GAL: variants seen among roughly 807,000 people sequenced by gnomAD.
The protein encoded by GAL is galanin peptides.
GAL carries 14 observed loss-of-function variants against 15.8 expected under a neutral mutation model. That is an observed-to-expected ratio of 0.89 (90% confidence interval 0.59 to 1.39). GAL has a LOEUF of 1.39. Ranked by LOEUF, GAL falls within the 40% of genes most tolerant of loss-of-function variation. GAL has a pLI of 0.00. For synonymous variants in GAL, 79 were observed against 73.8 expected (o/e 1.07, Z -0.36); for missense variants, 176 against 170.4 (o/e 1.03, Z -0.18).
intron 3 of GAL, among the ~76,000 whole-genome samples, chr11:68,687,121 T>A (rs554843634): frequency 4.7e-4 from 71 of 152,300 alleles, no homozygotes; most frequent in African/African-American, 1.7e-3. Context: ...TGAGGCGACC[T>A]ATGATTCCTC....
chr11:68,690,381 T>C (rs1343446508), intron 5 of GAL, among the ~76,000 whole-genome samples: 3 of 151,998 alleles, frequency 2.0e-5, no homozygotes, highest in Non-Finnish European at 4.4e-5. Flanking sequence ...TGCAGTGTTA[T>C]CGGGCTGCAC....
rs750008754 is a variant in GAL, at chr11:68,685,649, G to GT, written c.136+2dup. ...AGCGCGGGCTACCTGCTGGGCCCAC[G>GT]TAAGTGACTGACAGCATGGCCTCCC... is the stretch of plus-strand genomic sequence containing the variant. On this transcript the variant is annotated splice_donor_variant, in intron 3 of 5. Coordinates refer to ENST00000265643, the MANE Select transcript of GAL (RefSeq NM_015973.5). LOFTEE classifies it high-confidence loss of function. 6.2e-7 allele frequency: 1 copy of GT among 1,609,914 alleles called. No individual in the cohort carries two copies. Among genetic ancestry groups the GT allele is most frequent in the Non-Finnish European group, 8.5e-7 (1 of 1,176,280 alleles).
At chr11:68,689,454 T>C (rs1945885683) in intron 5 of GAL, among the ~76,000 whole-genome samples, 1 of 152,008 alleles carries the variant, frequency 6.6e-6, no homozygotes, top group African/African-American at 2.4e-5. Flanking sequence ...TCGAATGTAG[T>C]GGTGCAATCT....
intron 2 of GAL, among the ~76,000 whole-genome samples, 155 bp from the exon 3 acceptor site, chr11:68,685,439 T>C (rs145312483): frequency 6.6e-6 from 1 of 152,352 alleles, no homozygotes; most frequent in African/African-American, 2.4e-5. Context: ...ATGTCAAATA[T>C]AGCCGACTTA....
At chr11:68,685,508 TG>T in intron 2 of GAL, 85 bp from the exon 3 acceptor site, 1 of 902,460 alleles carries the variant, frequency 1.1e-6, no homozygotes, top group South Asian at 1.3e-5. Flanking sequence ...CTAAGTCCTC[TG>T]CCATGCCGGG....
Position 68,685,003 on chromosome 11 carries a change from C to T in GAL, c.80C>T (p.Pro27Leu). 6.3e-7 allele frequency: 1 copy of T among 1,588,470 alleles called. No individual in the cohort carries two copies. Among genetic ancestry groups the T allele is most frequent in the Non-Finnish European group, 8.6e-7 (1 of 1,165,152 alleles). ...TCTGCCTCTGCGGGGCTCTGGTCGC[C>T]GGTAAGTGCGGGGCGCGTCTCCTCC... ...ALSASAGLWS[P>L]AKEKRGWTLN... The change falls in exon 2 of 6, where the codon CCG becomes CTG. Residue 27 changes from proline to leucine, a missense_variant and splice_region_variant. Transcript: ENST00000265643.
chr11:68,687,872 C>T, intron 3 of GAL, 142 bp from the exon 4 acceptor site: 1 of 636,186 alleles, frequency 1.6e-6, no homozygotes, highest in African/African-American at 1.8e-5. Context: ...TCCCTCTGCT[C>T]TGGTGTCTGT....
At chr11:68,685,131 G>A (rs908695153) in intron 2 of GAL, 127 bp downstream of exon 2, 6 of 650,794 alleles carry the variant, frequency 9.2e-6, no homozygotes, top group East Asian at 8.4e-5. Context: ...AAAGGCGGGC[G>A]CTGTCCTGGC....
At chr11:68,687,911 CGTGT>C (rs879674346) in intron 3 of GAL, 99 bp from the exon 4 acceptor site, 14 of 719,532 alleles carry the variant, frequency 1.9e-5, no homozygotes, top group Non-Finnish European at 3.6e-5. Flanking sequence ...AGTCGAGTTG[CGTGT>C]GTGTGTTGGC....
Position 68,690,950 on chromosome 11 carries a change from CCG to C in GAL, c.337_338del (p.Ala113ArgfsTer72). 6.2e-7 allele frequency: 1 copy of C among 1,613,400 alleles called. No individual in the cohort carries two copies. Among genetic ancestry groups the C allele is most frequent in the Middle Eastern group, 1.7e-4 (1 of 6,060 alleles). ...GCCCTCGACCGCCTCCTGGATCTCC[CCG>C]CCGCAGCCTCCTCAGAAGACATCGA... On this transcript the variant is annotated frameshift_variant, in exon 6 of 6. Coordinates refer to ENST00000265643, the MANE Select transcript of GAL (RefSeq NM_015973.5). LOFTEE classifies it low-confidence loss of function (END_TRUNC).
rs1482611174 is a variant in GAL at position 68,688,951 on chromosome 11, C to T, written c.301+25C>T. The T allele has an allele frequency of 8.5e-6, 9 of 1,063,676 alleles. No homozygotes were observed. The South Asian group carries it at 1.1e-4, about 13-fold the overall frequency. 65.9% of individuals were successfully genotyped at this position (1,063,676 alleles called of 1,614,324 possible). A position where few individuals can be genotyped will look rare whatever the true frequency, so the allele number is the denominator to read the frequency against. On this transcript the variant is annotated intron_variant, in intron 5 of 5. Coordinates refer to ENST00000265643, the MANE Select transcript of GAL (RefSeq NM_015973.5). ...GGTATGTGAAATATCATCAACTTAA[C>T]ATTCATCTCTTAGTACACTGGAAAC...
intron 3 of GAL, among the ~76,000 whole-genome samples, chr11:68,687,496 CCTCT>C (rs972113450): frequency 1.3e-5 from 2 of 152,128 alleles, no homozygotes; most frequent in South Asian, 2.1e-4. Context: ...CCTCTCGCTC[CCTCT>C]GTCTCTCTCC....
chr11:68,690,292 T>C (rs1190864857), intron 5 of GAL, among the ~76,000 whole-genome samples: 1 of 152,234 alleles, frequency 6.6e-6, no homozygotes, highest in Non-Finnish European at 1.5e-5. Context: ...AGACCTTCAG[T>C]TGCACATCAC....
chr11:68,685,720 C>A (rs1208614077), intron 3 of GAL, 72 bp downstream of exon 3: 2 of 1,085,570 alleles, frequency 1.8e-6, no homozygotes, highest in Non-Finnish European at 2.8e-6. Flanking sequence ...TGGCTCCTGC[C>A]CCTCCGCCTG....
intron 3 of GAL, among the ~76,000 whole-genome samples, chr11:68,687,673 T>TCAGGGAGTCACC (rs1480200872): frequency 6.6e-6 from 1 of 152,164 alleles, no homozygotes; most frequent in Non-Finnish European, 1.5e-5. Context: ...TGATGCCAGC[T>TCAGGGAGTCACC]CAGTGCCAGC....
At chr11:68,689,147 GC>G (rs1945882531) in intron 5 of GAL, among the ~76,000 whole-genome samples, 1 of 152,140 alleles carries the variant, frequency 6.6e-6, no homozygotes, top group Non-Finnish European at 1.5e-5. Flanking sequence ...GTCGTGGAGG[GC>G]CATCGGGCCA....
intron 5 of GAL, among the ~76,000 whole-genome samples, chr11:68,690,531 G>C (rs1016934713): frequency 2.0e-5 from 3 of 152,190 alleles, no homozygotes; most frequent in African/African-American, 7.2e-5. Context: ...TTGGAGCCCA[G>C]TGGAGCCTCT....
In GAL at chr11:68,685,117, G is replaced by A. The variant is rs983325881; in HGVS notation, c.81+113G>A. 15 of 716,538 alleles carry A rather than the reference G, an allele frequency of 2.1e-5. No homozygotes were observed. The African/African-American group carries it at 2.7e-4, about 13-fold the overall frequency. 44.4% of individuals were successfully genotyped at this position (716,538 alleles called of 1,614,324 possible). On this transcript the variant is annotated intron_variant, in intron 2 of 5. Transcript: ENST00000265643. ...CTGCCCGCGGGGATGGGGGTGGAAA[G>A]TGGAAAGGCGGGCGCTGTCCTGGCT... is the stretch of plus-strand genomic sequence containing the variant.
At chr11:68,684,832 G>T in intron 1 of GAL, 92 bp from the exon 2 acceptor site, 1 of 752,898 alleles carries the variant, frequency 1.3e-6, no homozygotes, top group Non-Finnish European at 2.2e-6. Context: ...CCCGGCCGCC[G>T]CCTCTGCTCC....
Sources: allele counts gnomAD v4.1 joint callset (sites outside exome capture counted in the v4.1 genomes callset), GRCh38; gene constraint gnomAD v4.1.1; transcripts MANE v1.5; gene names NCBI Gene and HGNC (gene_info 2026-07-23, HGNC 2026-07-21).